ASTN2: variants seen among roughly 807,000 people sequenced by gnomAD.
ASTN2 encodes the protein astrotactin 2, also known as astrotactin-2.
Under a neutral mutation model 139.8 loss-of-function variants are expected in ASTN2, and 54 were observed. The observed-to-expected ratio is 0.39, with a 90% confidence interval of 0.31 to 0.48. The LOEUF (loss-of-function observed/expected upper bound fraction) is 0.48. Ranked by LOEUF, ASTN2 falls within the 20% of genes least tolerant of loss-of-function variation. The pLI is 0.95. For missense variants in ASTN2, 1,565 were observed against 1,725.1 expected (o/e 0.91, Z 1.64); for synonymous variants, 756 against 719.5 (o/e 1.05, Z -0.81).
chr9:117,367,281 A>C (rs1164337061), intron 1 of ASTN2, among the ~76,000 whole-genome samples: 1 of 152,190 alleles, frequency 6.6e-6, no homozygotes, highest in Admixed American at 6.5e-5. Context: ...CCCACTTCAC[A>C]GGTGGCAAGC....
chr9:116,655,191 T>G (rs1037732631), intron 16 of ASTN2, among the ~76,000 whole-genome samples: 3 of 152,246 alleles, frequency 2.0e-5, no homozygotes, highest in African/African-American at 7.2e-5. Context: ...GTGTCATGCC[T>G]AAGTTATGAT....
At chr9:116,751,882 TC>T (rs1829412334) in intron 13 of ASTN2, among the ~76,000 whole-genome samples, 1 of 152,126 alleles carries the variant, frequency 6.6e-6, no homozygotes, top group Non-Finnish European at 1.5e-5. Flanking sequence ...AAAAGGAGAT[TC>T]CCTGTTCATC....
chr9:116,787,892 C>T (rs186817461), intron 13 of ASTN2, among the ~76,000 whole-genome samples: 45 of 152,094 alleles, frequency 3.0e-4, no homozygotes, highest in African/African-American at 1.1e-3. Flanking sequence ...AACAAATGTA[C>T]CATAAAAATA....
chr9:117,149,796 G>A (rs1830287100), intron 3 of ASTN2, among the ~76,000 whole-genome samples: 1 of 152,150 alleles, frequency 6.6e-6, no homozygotes, highest in Non-Finnish European at 1.5e-5. Flanking sequence ...TAAAACCCAA[G>A]CACACATTTT....
chr9:116,780,655 A>G (rs1283560337), intron 13 of ASTN2, among the ~76,000 whole-genome samples: 1 of 152,174 alleles, frequency 6.6e-6, no homozygotes, highest in Non-Finnish European at 1.5e-5. Flanking sequence ...GACCCTGGGC[A>G]AGCGTATCTA....
At chr9:117,236,783 T>G (rs1405348894) in intron 2 of ASTN2, among the ~76,000 whole-genome samples, 1 of 152,190 alleles carries the variant, frequency 6.6e-6, no homozygotes, top group Admixed American at 6.5e-5. Flanking sequence ...ACCTATAAAA[T>G]GAACACAATA....
At chr9:116,469,104 G>A (rs996070445) in intron 20 of ASTN2, among the ~76,000 whole-genome samples, 2 of 152,152 alleles carry the variant, frequency 1.3e-5, no homozygotes, top group Non-Finnish European at 2.9e-5. Context: ...ACAATGTCTC[G>A]TTCATCTCTG....
chr9:117,170,862 C>G (rs904823014), intron 3 of ASTN2, among the ~76,000 whole-genome samples: 3 of 152,164 alleles, frequency 2.0e-5, no homozygotes, highest in African/African-American at 7.2e-5. Context: ...TATAAGCAAG[C>G]CATACCTTGC....
intron 16 of ASTN2, among the ~76,000 whole-genome samples, chr9:116,659,760 G>T (rs1387709053): frequency 6.6e-6 from 1 of 152,072 alleles, no homozygotes; most frequent in East Asian, 1.9e-4. Flanking sequence ...AGGTCACCTG[G>T]TCAGAAATCC....
intron 20 of ASTN2, among the ~76,000 whole-genome samples, chr9:116,480,506 T>C (rs1009609997): frequency 6.6e-6 from 1 of 152,176 alleles, no homozygotes; most frequent in Non-Finnish European, 1.5e-5. Flanking sequence ...GGATAGAGGA[T>C]GAACAAGGCA....
chr9:117,182,663 C>T (rs1052524302), intron 3 of ASTN2, among the ~76,000 whole-genome samples: 6 of 152,152 alleles, frequency 3.9e-5, no homozygotes, highest in East Asian at 3.9e-4. Flanking sequence ...CAATCACTTT[C>T]GGTGGTATAT....
Position 117,113,890 on chromosome 9 carries a change from G to A in ASTN2, c.1169-17739C>T, listed in dbSNP as rs207470527. Among the ~76,000 whole-genome samples, 11 of 152,042 alleles carry A rather than the reference G, an allele frequency of 7.2e-5. No individual in the cohort carries two copies. In the South Asian group the frequency reaches 1.0e-3, roughly 14 times the overall value. Reference sequence around the variant, plus strand: ...AAAGAAGGATGTACTGTAAAAGGTCGTCAGGAATCTTTTGGGGGTGAAGGA... The same window carrying A: ...AAAGAAGGATGTACTGTAAAAGGTCATCAGGAATCTTTTGGGGGTGAAGGA... On this transcript the variant is annotated intron_variant, in intron 4 of 22. Transcript: ENST00000313400.
intron 3 of ASTN2, among the ~76,000 whole-genome samples, chr9:117,189,217 C>T (rs1831285056): frequency 6.8e-6 from 1 of 146,672 alleles, no homozygotes; most frequent in Non-Finnish European, 1.5e-5. Context: ...TTACCCACTA[C>T]CCACTAGGCA....
intron 1 of ASTN2, among the ~76,000 whole-genome samples, chr9:117,392,488 T>C (rs1280466868): frequency 6.6e-6 from 1 of 152,220 alleles, no homozygotes; most frequent in South Asian, 2.1e-4. Context: ...TGTTTGTTTG[T>C]TTTGTTTTTG....
At chr9:116,507,517 T>C (rs541629912) in intron 19 of ASTN2, among the ~76,000 whole-genome samples, 1 of 152,306 alleles carries the variant, frequency 6.6e-6, no homozygotes, top group South Asian at 2.1e-4. Context: ...GCAGCCTGTT[T>C]GTTTGAAGGG....
intron 19 of ASTN2, among the ~76,000 whole-genome samples, chr9:116,520,005 T>C (rs1437391430): frequency 6.6e-6 from 1 of 151,898 alleles, no homozygotes; most frequent in African/African-American, 2.4e-5. Flanking sequence ...GAGATTGAAA[T>C]AATAATTTAA....
At chr9:116,922,209 T>C (rs1025847374) in intron 10 of ASTN2, among the ~76,000 whole-genome samples, 13 of 152,240 alleles carry the variant, frequency 8.5e-5, no homozygotes, top group Admixed American at 2.0e-4. Context: ...GGGCACTTGT[T>C]ATTTTCCCTA....
chr9:117,013,486 ATTTTT>A lies in ASTN2; in HGVS notation c.1424-5232_1424-5228del, dbSNP rs58077485. Among the ~76,000 whole-genome samples, 231 of 115,642 alleles carry A rather than the reference ATTTTT, an allele frequency of 2.0e-3. 2 individuals are homozygous for A. The highest frequency in any genetic ancestry group is 8.7e-3 in the South Asian group (32 of 3,670). 75.9% of individuals were successfully genotyped at this position (115,642 alleles called of 152,430 possible). On this transcript the variant is annotated intron_variant, in intron 6 of 22. Coordinates refer to ENST00000313400, the MANE Select transcript of ASTN2 (RefSeq NM_001365068.1). ...TTTTTAAATATATATATATATATATATTTTTTTTTTTCTCCCACTTACTTGTGGGA... is the reference window on the plus strand; with the variant it reads ...TTTTTAAATATATATATATATATATATTTTTTCTCCCACTTACTTGTGGGA...
At chr9:116,667,077 T>G (rs982952367) in intron 16 of ASTN2, among the ~76,000 whole-genome samples, 1 of 145,816 alleles carries the variant, frequency 6.9e-6, no homozygotes, top group African/African-American at 2.5e-5. Flanking sequence ...TACCTCAGCC[T>G]CCCAAGTAGC....
Sources: gnomAD v4.1 joint callset for allele counts (sites outside exome capture counted in the v4.1 genomes callset) on GRCh38, gnomAD v4.1.1 for gene constraint, MANE v1.5 for transcripts, NCBI Gene and HGNC (gene_info 2026-07-23, HGNC 2026-07-21) for gene names.